Variants in SLC12A8 observed in about 807,000 individuals in gnomAD.
SLC12A8 encodes solute carrier family 12 member 8.
In SLC12A8, 69 loss-of-function variants were observed where a neutral mutation model predicts 75.6. The ratio of observed to expected loss-of-function variants is 0.91; its 90% confidence interval spans 0.75 to 1.11. SLC12A8 has a LOEUF of 1.11. SLC12A8 is among the 50% of genes most tolerant of loss of function. The pLI is 0.00. For synonymous variants in SLC12A8, 365 were observed against 372.8 expected, an observed-to-expected ratio of 0.98 and a Z score of 0.24; for missense variants, 877 against 896.7, an observed-to-expected ratio of 0.98 and a Z score of 0.28.
In SLC12A8 at chr3:125,103,459, T is replaced by TA. The variant is rs34404091; in HGVS notation, c.1705+4021dup. ...CTAAACAGTTTTTTAGTACTTCACT[T>TA]AAAAAAAAAAAAAAAAAAAAAGAGA... On this transcript the variant is annotated intron_variant, in intron 10 of 13. Coordinates refer to ENST00000469902, the MANE Select transcript of SLC12A8 (RefSeq NM_024628.6). Among the ~76,000 whole-genome samples the TA allele has an allele frequency of 7.7e-3, 931 of 120,890 alleles. 9 individuals carry two copies. Among genetic ancestry groups the TA allele is most frequent in the African/African-American group, 0.019 (621 of 31,858 alleles). The allele number at this position is 120,890 out of a possible 152,430, so 79.3% of individuals were successfully genotyped here. A position where few individuals can be genotyped will look rare whatever the true frequency, so the allele number is the denominator to read the frequency against.
intron 2 of SLC12A8, among the ~76,000 whole-genome samples, chr3:125,191,772 A>G (rs763778228): frequency 4.6e-5 from 7 of 152,190 alleles, no homozygotes; most frequent in East Asian, 1.9e-4. Context: ...ACATCCACAG[A>G]TCAAGAAGGG....
At chr3:125,148,506 TG>T (rs1281971202) in intron 5 of SLC12A8, among the ~76,000 whole-genome samples, 1 of 96,654 alleles carries the variant, frequency 1.0e-5, no homozygotes, top group Non-Finnish European at 1.9e-5. Flanking sequence ...GGGAGAAGAG[TG>T]GGGTGGGGGG....
intron 5 of SLC12A8, among the ~76,000 whole-genome samples, chr3:125,168,537 C>T (rs1176101737): frequency 1.3e-5 from 2 of 152,070 alleles, no homozygotes; most frequent in Non-Finnish European, 2.9e-5. Flanking sequence ...AAAACAGTGA[C>T]GTGATAGCAG....
At chr3:125,201,194 AG>A (rs1254876932) in intron 2 of SLC12A8, among the ~76,000 whole-genome samples, 1 of 152,150 alleles carries the variant, frequency 6.6e-6, no homozygotes, top group African/African-American at 2.4e-5. Context: ...AGGCCAGGCA[AG>A]GAGTTCATCA....
At chr3:125,107,229 A>G (rs930195006) in intron 10 of SLC12A8, among the ~76,000 whole-genome samples, 1 of 152,232 alleles carries the variant, frequency 6.6e-6, no homozygotes, top group Non-Finnish European at 1.5e-5. Context: ...TTGATACCCA[A>G]TTACTAGCTG....
chr3:125,182,806 T>TGCAAGCTTTTAAAA (rs1270608889), intron 4 of SLC12A8, among the ~76,000 whole-genome samples: 2 of 152,198 alleles, frequency 1.3e-5, no homozygotes, highest in Non-Finnish European at 1.5e-5. Flanking sequence ...GCGCCTGGCC[T>TGCAAGCTTTTAAAA]TGGCCTTGTC....
chr3:125,110,691 C>T (rs1231219363), intron 8 of SLC12A8: 4 of 177,198 alleles, frequency 2.3e-5, no homozygotes, highest in South Asian at 3.6e-4. Flanking sequence ...AGAGACCACA[C>T]TTTGAGAACA....
At chr3:125,097,811 C>T (rs1938755033) in intron 10 of SLC12A8, among the ~76,000 whole-genome samples, 1 of 151,938 alleles carries the variant, frequency 6.6e-6, no homozygotes, top group South Asian at 2.1e-4. Flanking sequence ...CTGGAGAAAG[C>T]AAGTTGTACA....
chr3:125,108,899 C>T (rs1939108840), intron 9 of SLC12A8, among the ~76,000 whole-genome samples: 1 of 152,192 alleles, frequency 6.6e-6, no homozygotes, highest in South Asian at 2.1e-4. Context: ...TACTCACACA[C>T]ACACATTACA....
intron 4 of SLC12A8, among the ~76,000 whole-genome samples, chr3:125,184,675 AC>A (rs1214838204): frequency 1.3e-5 from 2 of 151,716 alleles, no homozygotes; most frequent in African/African-American, 4.8e-5. Context: ...CAAAACCCCA[AC>A]CGCACCCTAG....
chr3:125,147,363 G>T (rs552800655), intron 5 of SLC12A8, among the ~76,000 whole-genome samples: 1 of 152,204 alleles, frequency 6.6e-6, no homozygotes, highest in Non-Finnish European at 1.5e-5. Context: ...CCTTTGTGGG[G>T]CTGGCAGGGG....
chr3:125,105,755 T>C (rs930530315), intron 10 of SLC12A8, among the ~76,000 whole-genome samples: 4 of 151,848 alleles, frequency 2.6e-5, no homozygotes, highest in African/African-American at 9.7e-5. Context: ...CCAGGCAGGG[T>C]GTGGTGGCTC....
chr3:125,110,866 T>C (rs1014663088), intron 8 of SLC12A8: 1 of 152,760 alleles, frequency 6.5e-6, no homozygotes, highest in African/African-American at 2.4e-5. Context: ...AATCTCCCCC[T>C]GTCCTGACAT....
chr3:125,162,610 A>G (rs1342018852), intron 5 of SLC12A8, among the ~76,000 whole-genome samples: 1 of 152,238 alleles, frequency 6.6e-6, no homozygotes, highest in Non-Finnish European at 1.5e-5. Flanking sequence ...CTTTCTTGTC[A>G]CAGCCAAGTG....
intron 5 of SLC12A8, among the ~76,000 whole-genome samples, chr3:125,176,553 G>A (rs557907290): frequency 3.2e-4 from 48 of 152,076 alleles, no homozygotes; most frequent in African/African-American, 1.1e-3. Context: ...CACAATGGGA[G>A]AAAATTTTTG....
At chr3:125,196,774 G>T (rs1935016250) in intron 2 of SLC12A8, among the ~76,000 whole-genome samples, 1 of 152,136 alleles carries the variant, frequency 6.6e-6, no homozygotes, top group Non-Finnish European at 1.5e-5. Context: ...ACAAAAAATA[G>T]AAAAAGTAGC....
intron 13 of SLC12A8, among the ~76,000 whole-genome samples, chr3:125,087,345 G>A (rs1032805009): frequency 6.6e-6 from 1 of 151,892 alleles, no homozygotes; most frequent in African/African-American, 2.4e-5. Flanking sequence ...TGCCCACCTT[G>A]GCCTCCCAAA....
At chr3:125,197,243 C>G (rs1481856113) in intron 2 of SLC12A8, among the ~76,000 whole-genome samples, 3 of 152,122 alleles carry the variant, frequency 2.0e-5, no homozygotes, top group Non-Finnish European at 4.4e-5. Flanking sequence ...ATAGAATATT[C>G]AAGGAATAGA....
intron 5 of SLC12A8, among the ~76,000 whole-genome samples, chr3:125,157,434 C>A (rs1934074063): frequency 6.6e-6 from 1 of 152,170 alleles, no homozygotes; most frequent in Non-Finnish European, 1.5e-5. Context: ...GTGATACAAG[C>A]CAATCCTGGA....
Sources: gnomAD v4.1 joint callset for allele counts (sites outside exome capture counted in the v4.1 genomes callset) on GRCh38, gnomAD v4.1.1 for gene constraint, MANE v1.5 for transcripts, NCBI Gene and HGNC (gene_info 2026-07-23, HGNC 2026-07-21) for gene names.